Variants in LYST observed in about 807,000 individuals in gnomAD.
LYST encodes lysosomal-trafficking regulator.
LYST carries 192 observed loss-of-function variants against 413.6 expected under a neutral mutation model. The observed-to-expected ratio is 0.46, with a 90% confidence interval of 0.41 to 0.52. The LOEUF is 0.52. LYST is among the 20% of genes least tolerant of loss of function. The pLI, the probability that LYST is intolerant of heterozygous loss-of-function variation, is 0.00. For synonymous variants in LYST, 1,525 were observed against 1,567.3 expected (o/e 0.97, Z 0.64); for missense variants, 3,815 against 4,499.9 (o/e 0.85, Z 4.35).
chr1:235,708,743 C>G (rs1483540959), intron 44 of LYST, among the ~76,000 whole-genome samples: 1 of 152,050 alleles, frequency 6.6e-6, no homozygotes, highest in Non-Finnish European at 1.5e-5. Flanking sequence ...GGGGTAGATT[C>G]TTGGATGTTT....
At chr1:235,705,845 G>C (rs1171531765) in intron 44 of LYST, among the ~76,000 whole-genome samples, 1 of 152,076 alleles carries the variant, frequency 6.6e-6, no homozygotes, top group Non-Finnish European at 1.5e-5. Flanking sequence ...AGGCTGGAGT[G>C]CAGTGGCATG....
At chr1:235,737,475 T>C (rs763800737) in intron 31 of LYST, 4 of 152,226 alleles carry the variant, frequency 2.6e-5, no homozygotes, top group Non-Finnish European at 5.9e-5. Flanking sequence ...CTTAGATTTG[T>C]AGTCTCTAAA....
chr1:235,729,000 A>G (rs1416009364), intron 37 of LYST, among the ~76,000 whole-genome samples: 1 of 152,202 alleles, frequency 6.6e-6, no homozygotes, highest in Non-Finnish European at 1.5e-5. Context: ...AGAAGCTCCC[A>G]TGAGATGCTG....
rs747426872 is a variant in LYST, at chr1:235,813,042, T to G, written c.212A>C (p.Glu71Ala). Residue 71 changes from glutamate (E) to alanine (A), a missense_variant, in exon 4 of 53, where the codon GAA becomes GCA. Glu to Ala is a moderately radical substitution (Grantham distance 107). Coordinates refer to ENST00000389793, the MANE Select transcript of LYST (RefSeq NM_000081.4). The part of the protein sequence containing the change: ...IIDQALTCRE[E>A]LLTLLLSLLP... ...GAGAGACAGAAGAAGAGTCAGGAGT[T>G]CTTCTCTACATGTCAATGCCTATGT... 1.9e-6 allele frequency: 3 copies of G among 1,606,514 alleles called. No individual in the cohort carries two copies. The highest frequency in any genetic ancestry group is 2.6e-6 in the Non-Finnish European group (3 of 1,173,242).
chr1:235,873,643 A>T (rs532750695), intron 1 of LYST, among the ~76,000 whole-genome samples: 1 of 152,224 alleles, frequency 6.6e-6, no homozygotes, highest in Non-Finnish European at 1.5e-5. Context: ...ATTGAGCATA[A>T]TTCTTAGCCA....
At chr1:235,722,896 T>G (rs894600648) in intron 39 of LYST, among the ~76,000 whole-genome samples, 2 of 152,200 alleles carry the variant, frequency 1.3e-5, no homozygotes, top group Non-Finnish European at 2.9e-5. Context: ...TAATTAGGAC[T>G]AAGAAATATG....
Position 235,733,907 on chromosome 1 carries a change from C to T in LYST, c.8536-1G>A, listed in dbSNP as rs1664595275. On this transcript the variant is annotated splice_acceptor_variant, in intron 32 of 52. Coordinates refer to ENST00000389793, the MANE Select transcript of LYST (RefSeq NM_000081.4). LOFTEE classifies it high-confidence loss of function. ...CTTCAGTTTCATATTTCTTTTGTTC[C>T]TAGAAGATTTAGATAATAATATACT... is the stretch of plus-strand genomic sequence containing the variant. 6.5e-7 allele frequency: 1 copy of T among 1,530,314 alleles called. No individual in the cohort carries two copies. The highest frequency in any genetic ancestry group is 9.0e-7 in the Non-Finnish European group (1 of 1,105,766). The allele number at this position is 1,530,314 out of a possible 1,614,324, so 94.8% of individuals were successfully genotyped here.
intron 50 of LYST, among the ~76,000 whole-genome samples, chr1:235,675,012 C>T (rs1452353517): frequency 1.3e-5 from 2 of 152,138 alleles, no homozygotes; most frequent in African/African-American, 4.8e-5. Flanking sequence ...CTCGATTCTC[C>T]CCCGCCCTAC....
chr1:235,858,473 G>GA (rs1478892434), intron 1 of LYST, among the ~76,000 whole-genome samples: 1 of 152,150 alleles, frequency 6.6e-6, no homozygotes, highest in Admixed American at 6.5e-5. Context: ...ATCATCACCT[G>GA]AAACTGCTAA....
intron 47 of LYST, among the ~76,000 whole-genome samples, chr1:235,691,821 C>T (rs746702228): frequency 4.0e-5 from 6 of 151,086 alleles, no homozygotes; most frequent in Admixed American, 2.0e-4. Context: ...CTCAGCCTCC[C>T]GAGTAGCTGG....
intron 14 of LYST, among the ~76,000 whole-genome samples, chr1:235,786,006 A>G (rs569743862): frequency 1.1e-3 from 170 of 152,320 alleles, no homozygotes; most frequent in South Asian, 1.9e-3. Flanking sequence ...CCTTATACAT[A>G]GGCTAGTCAT....
intron 1 of LYST, among the ~76,000 whole-genome samples, chr1:235,864,802 G>A (rs1316270466): frequency 6.6e-6 from 1 of 152,132 alleles, no homozygotes; most frequent in African/African-American, 2.4e-5. Context: ...GGTGATGTGT[G>A]CCTGAAGTCC....
At chr1:235,865,288 T>C (rs962975349) in intron 1 of LYST, among the ~76,000 whole-genome samples, 18 of 152,140 alleles carry the variant, frequency 1.2e-4, no homozygotes, top group South Asian at 2.1e-4. Context: ...TAGTTAAAAT[T>C]GCAAACCTCT....
At chr1:235,719,995 G>C (rs1663208507) in intron 40 of LYST, among the ~76,000 whole-genome samples, 1 of 151,896 alleles carries the variant, frequency 6.6e-6, no homozygotes, top group South Asian at 2.1e-4. Flanking sequence ...GGCCAACATG[G>C]TGAAACCCTG....
In LYST at chr1:235,802,343, G is replaced by A. The variant is rs1334007693; in HGVS notation, c.3712+565C>T. On this transcript the variant is annotated intron_variant, in intron 8 of 52. Coordinates refer to ENST00000389793, the MANE Select transcript of LYST (RefSeq NM_000081.4). ...CATTTTAAGTCCAAAGACAAGGGAG[G>A]AAAGGATCATAGGCAATATAGTTCC... Among the ~76,000 whole-genome samples, 3 of 152,162 alleles carry A rather than the reference G, an allele frequency of 2.0e-5. No individual in the cohort carries two copies. The East Asian group carries it at 5.8e-4, about 29-fold the overall frequency.
At chr1:235,704,098 A>G (rs965730750) in intron 44 of LYST, among the ~76,000 whole-genome samples, 3 of 152,132 alleles carry the variant, frequency 2.0e-5, no homozygotes, top group Non-Finnish European at 4.4e-5. Context: ...GTTCTTTTTT[A>G]TGGCTGCAAA....
Position 235,724,196 on chromosome 1 carries a change from A to G in LYST, c.9163-16T>C. The G allele has an allele frequency of 6.2e-7, 1 of 1,602,406 alleles. No individual in the cohort carries two copies. Among genetic ancestry groups the G allele is most frequent in the Admixed American group, 1.7e-5 (1 of 59,774 alleles). ...CCTGAAGGCTCTAAGACAAAGAAAT[A>G]GGCAAAAATATTTGTTTTACCGGAA... On this transcript the variant is annotated splice_polypyrimidine_tract_variant and intron_variant, in intron 38 of 52. Transcript: ENST00000389793.
chr1:235,665,164 A>G (rs1039354802), intron 50 of LYST, among the ~76,000 whole-genome samples: 3 of 152,198 alleles, frequency 2.0e-5, no homozygotes, highest in Non-Finnish European at 4.4e-5. Context: ...AGAAGAAGCA[A>G]TCTATGTGTA....
At chr1:235,687,114 T>C in intron 47 of LYST, 67 bp from the exon 48 acceptor site, 1 of 1,121,340 alleles carries the variant, frequency 8.9e-7, no homozygotes. Flanking sequence ...ATAATAAAAA[T>C]AAAATAAAAG....
Sources: allele counts gnomAD v4.1 joint callset (sites outside exome capture counted in the v4.1 genomes callset), GRCh38; gene constraint gnomAD v4.1.1; transcripts MANE v1.5; gene names NCBI Gene and HGNC (gene_info 2026-07-23, HGNC 2026-07-21).